Variants in ABCC5 observed in about 807,000 individuals in gnomAD.
ABCC5 encodes the protein ATP binding cassette subfamily C member 5.
Under a neutral mutation model 160.9 loss-of-function variants are expected in ABCC5, and 61 were observed. That is an observed-to-expected ratio of 0.38 (90% CI 0.31 to 0.47). The LOEUF is 0.47. ABCC5 is among the 20% of genes least tolerant of loss of function. The pLI is 0.99. For synonymous variants in ABCC5, 666 were observed against 700.6 expected (o/e 0.95, Z 0.78); for missense variants, 1,308 against 1,813.3 (o/e 0.72, Z 5.06).
chr3:183,921,180 G>A lies in ABCC5; in HGVS notation c.*120C>T, dbSNP rs537638154. 1.8e-4 allele frequency: 103 copies of A among 586,286 alleles called. No individual in the cohort carries two copies. The highest frequency in any genetic ancestry group is 8.8e-4 in the Middle Eastern group (3 of 3,408). The allele number at this position is 586,286 out of a possible 1,614,324, so 36.3% of individuals were successfully genotyped here. A position where few individuals can be genotyped will look rare whatever the true frequency, so the allele number is the denominator to read the frequency against. On this transcript the variant is annotated 3_prime_UTR_variant, in exon 30 of 30. Coordinates refer to ENST00000334444, the MANE Select transcript of ABCC5 (RefSeq NM_005688.4). This position sits in a 1 kb window ranked among gnomAD's most constrained non-coding sequence, Gnocchi z 4.1. Reference sequence around the variant, plus strand: ...GAAACACACAAGCCAATCCGGAACTGCTGTGCGAAAGATAAAATCGAGAAA... The same window carrying A: ...GAAACACACAAGCCAATCCGGAACTACTGTGCGAAAGATAAAATCGAGAAA...
intron 17 of ABCC5, among the ~76,000 whole-genome samples, chr3:183,958,364 T>G (rs1292341997): frequency 6.6e-6 from 1 of 152,222 alleles, no homozygotes; most frequent in Non-Finnish European, 1.5e-5. Flanking sequence ...CCCTCATGCC[T>G]TGAGCACTTT....
In ABCC5 at chr3:183,988,066, G is replaced by C. The variant is rs748003220; in HGVS notation, c.444-149C>G. 4.7e-6 allele frequency: 4 copies of C among 854,628 alleles called. No homozygotes were observed. Among genetic ancestry groups the C allele is most frequent in the Non-Finnish European group, 7.2e-6 (4 of 559,162 alleles). 52.9% of individuals were successfully genotyped at this position (854,628 alleles called of 1,614,324 possible). A position where few individuals can be genotyped will look rare whatever the true frequency, so the allele number is the denominator to read the frequency against. On this transcript the variant is annotated intron_variant, in intron 4 of 29. Transcript: ENST00000334444. The surrounding 1 kb of genome is among the most constrained non-coding windows in gnomAD (Gnocchi z 4.4). The stretch of plus-strand genomic sequence containing the variant: ...TTATGTACATAGTCTTCACCTTCTG[G>C]GAAAAAATACCCTTCCTAGGGAACT...
At chr3:183,974,033 G>T (rs980763682) in intron 10 of ABCC5, among the ~76,000 whole-genome samples, 1 of 152,162 alleles carries the variant, frequency 6.6e-6, no homozygotes, top group East Asian at 1.9e-4. Context: ...CTGCCCTGAC[G>T]TGCTAAGAGG....
chr3:183,927,501 A>G, intron 27 of ABCC5, 58 bp from the exon 28 acceptor site: 1 of 1,553,594 alleles, frequency 6.4e-7, no homozygotes, highest in Non-Finnish European at 8.7e-7. Context: ...ATTTCCTGAA[A>G]ATCCAAGGAC....
In ABCC5 at chr3:183,927,315, C is replaced by T. The variant is rs773715523; in HGVS notation, c.4047+15G>A. 1.2e-6 allele frequency: 2 copies of T among 1,611,706 alleles called. No individual in the cohort carries two copies. Among genetic ancestry groups the T allele is most frequent in the South Asian group, 2.2e-5 (2 of 90,616 alleles). On this transcript the variant is annotated intron_variant, in intron 28 of 29. Coordinates refer to ENST00000334444, the MANE Select transcript of ABCC5 (RefSeq NM_005688.4). ...ATTCCCATTCTCTGCTGCTGCCAAC[C>T]CCAAACTGCCTTACCTTACAGTGGC...
At chr3:183,965,325 G>C in intron 13 of ABCC5, 52 bp downstream of exon 13, 1 of 1,614,060 alleles carries the variant, frequency 6.2e-7, no homozygotes, top group Non-Finnish European at 8.5e-7. Flanking sequence ...GGGCTGCCTT[G>C]CATCTCACGC....
chr3:183,975,821 G>A (rs1718166630), intron 10 of ABCC5, among the ~76,000 whole-genome samples: 2 of 151,940 alleles, frequency 1.3e-5, no homozygotes, highest in African/African-American at 4.8e-5. Flanking sequence ...GGAGAGAGGA[G>A]GGACCTATGA....
intron 5 of ABCC5, chr3:183,985,429 A>C: frequency 2.2e-5 from 33 of 1,468,188 alleles, no homozygotes; most frequent in Non-Finnish European, 3.0e-5. Context: ...CTCCCCCCAA[A>C]TCCAGATCCT....
At chr3:184,012,048 A>ACACAC (rs1188969764) in intron 2 of ABCC5, among the ~76,000 whole-genome samples, 1 of 97,878 alleles carries the variant, frequency 1.0e-5, no homozygotes, top group African/African-American at 3.3e-5. Flanking sequence ...CACACACACA[A>ACACAC]ATGAGTGCAT....
rs1440375342 is a variant in ABCC5, at chr3:183,987,643, C to G, written c.591+127G>C. 3.8e-6 allele frequency: 5 copies of G among 1,307,278 alleles called. No individual in the cohort carries two copies. The highest frequency in any genetic ancestry group is 1.5e-5 in the African/African-American group (1 of 68,302). The allele number at this position is 1,307,278 out of a possible 1,614,324, so 81.0% of individuals were successfully genotyped here. A position where few individuals can be genotyped will look rare whatever the true frequency, so the allele number is the denominator to read the frequency against. On this transcript the variant is annotated intron_variant, in intron 5 of 29. Transcript: ENST00000334444. This position sits in a 1 kb window ranked among gnomAD's most constrained non-coding sequence, Gnocchi z 4.2. ...AAATCCATCGACCCCTTTCAACAGA[C>G]CTGAAGGCATCTCTAAGACTGCTAC...
chr3:184,014,449 T>G lies in ABCC5; in HGVS notation c.-55-2A>C. On this transcript the variant is annotated splice_acceptor_variant, in intron 1 of 29. Transcript: ENST00000334444. LOFTEE classifies it low-confidence loss of function (5UTR_SPLICE). Reference sequence around the variant, plus strand: ...ACTGTTAGTTTCACATCAGAATTCCTGAAATTAAAAATTCATCAAGAAATA... The same window carrying G: ...ACTGTTAGTTTCACATCAGAATTCCGGAAATTAAAAATTCATCAAGAAATA... 6.5e-7 allele frequency: 1 copy of G among 1,535,464 alleles called. No homozygotes were observed.
intron 18 of ABCC5, 142 bp from the exon 19 acceptor site, chr3:183,952,145 T>TC: frequency 3.0e-5 from 1 of 33,722 alleles, no homozygotes; most frequent in Non-Finnish European, 4.9e-5. Flanking sequence ...TGTCCACCTC[T>TC]TTTTTTTTTT....
At chr3:183,989,182 A>AAT in intron 3 of ABCC5, 44 bp downstream of exon 3, 1 of 1,101,378 alleles carries the variant, frequency 9.1e-7, no homozygotes, top group Non-Finnish European at 1.2e-6. Context: ...AAAAAAAAAA[A>AAT]GGCCTTTGAT....
chr3:183,940,307 G>A (rs750064916), intron 25 of ABCC5, among the ~76,000 whole-genome samples: 4 of 149,064 alleles, frequency 2.7e-5, no homozygotes, highest in Non-Finnish European at 5.9e-5. Flanking sequence ...AGACCAGCCT[G>A]GCAAACATGG....
chr3:183,974,899 A>G (rs925710635), intron 10 of ABCC5, among the ~76,000 whole-genome samples: 1 of 152,226 alleles, frequency 6.6e-6, no homozygotes, highest in African/African-American at 2.4e-5. Context: ...AATAGAGAAA[A>G]GACTATACTT....
chr3:183,961,437 C>T, intron 16 of ABCC5, 74 bp downstream of exon 16: 1 of 1,556,640 alleles, frequency 6.4e-7, no homozygotes, highest in Middle Eastern at 1.7e-4. Context: ...GCTGAGGTCT[C>T]TCCATCACTC....
chr3:183,961,332 C>T (rs1716712319), intron 16 of ABCC5, among the ~76,000 whole-genome samples, 179 bp downstream of exon 16: 1 of 152,194 alleles, frequency 6.6e-6, no homozygotes, highest in South Asian at 2.1e-4. Flanking sequence ...CACAATCCTG[C>T]TCTCCTAGAG....
At chr3:183,979,105 G>A (rs1718472361) in intron 8 of ABCC5, among the ~76,000 whole-genome samples, 2 of 152,190 alleles carry the variant, frequency 1.3e-5, no homozygotes. Context: ...TACTTTGGGA[G>A]GCCCAAAGCA....
At chr3:184,004,319 G>C (rs912707775) in intron 2 of ABCC5, among the ~76,000 whole-genome samples, 2 of 151,832 alleles carry the variant, frequency 1.3e-5, no homozygotes, top group Admixed American at 6.6e-5. Flanking sequence ...AGACCAGCCT[G>C]GCCAACATGG....
Sources: allele counts gnomAD v4.1 joint callset (sites outside exome capture counted in the v4.1 genomes callset), GRCh38; gene constraint gnomAD v4.1.1; non-coding constraint Gnocchi (gnomAD v3.1); transcripts MANE v1.5; gene names NCBI Gene and HGNC (gene_info 2026-07-23, HGNC 2026-07-21).